GLS2: variants seen among roughly 807,000 people sequenced by gnomAD.
GLS2 encodes glutaminase 2, also known as glutaminase liver isoform, mitochondrial.
Under a neutral mutation model 79.0 loss-of-function variants are expected in GLS2, and 52 were observed. The observed-to-expected ratio is 0.66, with a 90% CI of 0.53 to 0.83. The LOEUF (loss-of-function observed/expected upper bound fraction) is 0.83, where lower values mean the gene tolerates loss of function less well. Ranked by LOEUF, GLS2 falls within the 40% of genes least tolerant of loss-of-function variation. The pLI is 0.00. For missense variants in GLS2, 561 were observed against 764.8 expected (o/e 0.73, Z 3.14); for synonymous variants, 238 against 280.8 (o/e 0.85, Z 1.52).
chr12:56,482,429 A>G (rs1261601700), intron 1 of GLS2, among the ~76,000 whole-genome samples: 2 of 152,036 alleles, frequency 1.3e-5, no homozygotes, highest in Non-Finnish European at 2.9e-5. Flanking sequence ...TCATTCTTCA[A>G]AGTCCAGATC....
At chr12:56,480,057 C>T (rs1400806595) in intron 2 of GLS2, among the ~76,000 whole-genome samples, 156 bp from the exon 3 acceptor site, 1 of 152,164 alleles carries the variant, frequency 6.6e-6, no homozygotes, top group South Asian at 2.1e-4. Context: ...GATGGAGTAG[C>T]TCTGAAGGCT....
chr12:56,474,867 A>G lies in GLS2; in HGVS notation c.1026T>C (p.Ala342=), dbSNP rs779853749. ...TTACCTGGAAGTAGAGATCAAGGGCAGCCATCATGTCCACCCCCTTAGGAA... is the reference window on the plus strand; with the variant it reads ...TTACCTGGAAGTAGAGATCAAGGGCGGCCATCATGTCCACCCCCTTAGGAA... ...KCFPKGVDMM[A]ALDLYFQLCS... The change falls in exon 11 of 18, where the codon GCT becomes GCC. Residue 342 remains alanine, a synonymous_variant. Coordinates refer to ENST00000311966, the MANE Select transcript of GLS2 (RefSeq NM_013267.4). 2.5e-6 allele frequency: 4 copies of G among 1,614,218 alleles called. No homozygotes were observed. The East Asian group carries it at 8.9e-5, about 36-fold the overall frequency.
rs753517065 is a variant in GLS2, at chr12:56,474,868, GCC to G, written c.1023_1024del (p.Met341IlefsTer4). 6.2e-7 allele frequency: 1 copy of G among 1,614,180 alleles called. No homozygotes were observed. The highest frequency in any genetic ancestry group is 8.5e-7 in the Non-Finnish European group (1 of 1,180,032). On this transcript the variant is annotated frameshift_variant, in exon 11 of 18. Coordinates refer to ENST00000311966, the MANE Select transcript of GLS2 (RefSeq NM_013267.4). LOFTEE classifies it high-confidence loss of function. ...TACCTGGAAGTAGAGATCAAGGGCA[GCC>G]ATCATGTCCACCCCCTTAGGAAAGC... is the stretch of plus-strand genomic sequence containing the variant.
chr12:56,472,246 C>G, intron 15 of GLS2, 51 bp from the exon 16 acceptor site: 1 of 1,545,024 alleles, frequency 6.5e-7, no homozygotes, highest in South Asian at 1.1e-5. Flanking sequence ...ACTGGAATCA[C>G]AGGTGTTCTT....
intron 1 of GLS2, among the ~76,000 whole-genome samples, chr12:56,483,912 G>A (rs1375701303): frequency 6.6e-6 from 1 of 151,832 alleles, no homozygotes; most frequent in Non-Finnish European, 1.5e-5. Context: ...AGGTTTAAAA[G>A]GGAAAAATAT....
At chr12:56,477,534 C>T in intron 7 of GLS2, 126 bp downstream of exon 7, 1 of 955,382 alleles carries the variant, frequency 1.0e-6, no homozygotes, top group East Asian at 2.4e-5. Flanking sequence ...CCTCATGTGC[C>T]TTCTGGGGAC....
At chr12:56,472,098 C>G (rs775925385) in intron 16 of GLS2, 21 bp downstream of exon 16, 1 of 1,611,650 alleles carries the variant, frequency 6.2e-7, no homozygotes, top group South Asian at 1.1e-5. Flanking sequence ...CCTCCTCCTC[C>G]CCTCCTTAAC....
intron 1 of GLS2, among the ~76,000 whole-genome samples, chr12:56,486,511 C>G (rs895486692): frequency 6.6e-6 from 1 of 152,096 alleles, no homozygotes; most frequent in Non-Finnish European, 1.5e-5. Flanking sequence ...TGGGAAAGTA[C>G]TGTGTAATAT....
In GLS2 at chr12:56,471,439, T is replaced by C. The variant is rs779027196; in HGVS notation, c.*48A>G. On this transcript the variant is annotated 3_prime_UTR_variant, in exon 18 of 18. Transcript: ENST00000311966. ...TTTTGGTGGTTATGGATTACATGTG[T>C]GGCCAGCTCATGCTTTTTCTTGAGC... 3.8e-6 allele frequency: 6 copies of C among 1,563,286 alleles called. No individual in the cohort carries two copies. In the Middle Eastern group the frequency reaches 9.4e-4, roughly 245 times the overall value.
intron 14 of GLS2, 186 bp from the exon 15 acceptor site, chr12:56,472,937 A>G (rs922823432): frequency 1.2e-5 from 7 of 580,848 alleles, no homozygotes; most frequent in African/African-American, 6.1e-5. Flanking sequence ...GTTCAGGCTG[A>G]AGTGTAGTGG....
chr12:56,485,098 A>AAGC (rs1334794683), intron 1 of GLS2, among the ~76,000 whole-genome samples: 1 of 152,200 alleles, frequency 6.6e-6, no homozygotes, highest in Non-Finnish European at 1.5e-5. Flanking sequence ...ATGATATTAA[A>AAGC]AGCTGTTCAT....
chr12:56,483,855 T>C (rs183224403), intron 1 of GLS2, among the ~76,000 whole-genome samples: 1 of 152,312 alleles, frequency 6.6e-6, no homozygotes, highest in African/African-American at 2.4e-5. Context: ...ATTTTTTCAT[T>C]TGTTTTTTCT....
Position 56,480,187 on chromosome 12 carries a change from G to A in GLS2, c.282+101C>T, listed in dbSNP as rs529244313. 5 of 1,016,152 alleles carry A rather than the reference G, an allele frequency of 4.9e-6. No homozygotes were observed. The Admixed American group carries it at 1.0e-4, about 21-fold the overall frequency. 62.9% of individuals were successfully genotyped at this position (1,016,152 alleles called of 1,614,324 possible). A position where few individuals can be genotyped will look rare whatever the true frequency, so the allele number is the denominator to read the frequency against. On this transcript the variant is annotated intron_variant, in intron 2 of 17. Coordinates refer to ENST00000311966, the MANE Select transcript of GLS2 (RefSeq NM_013267.4). ...ATCCATCTGTATGCTTCACCCTCATGTAGCAACCCATTAGCTGCCCTGCAC... is the reference window on the plus strand; with the variant it reads ...ATCCATCTGTATGCTTCACCCTCATATAGCAACCCATTAGCTGCCCTGCAC...
rs890367756 is a variant in GLS2, at chr12:56,474,524, T to A, written c.1224+20A>T. The A allele has an allele frequency of 3.1e-6, 5 of 1,613,062 alleles. No homozygotes were observed. Among genetic ancestry groups the A allele is most frequent in the Non-Finnish European group, 4.2e-6 (5 of 1,179,932 alleles). On this transcript the variant is annotated intron_variant, in intron 12 of 17. Coordinates refer to ENST00000311966, the MANE Select transcript of GLS2 (RefSeq NM_013267.4). ...TAGCACTGGGCTCATGACAGATGGA[T>A]AGCAGAGCCAGAAACTCACGTGGAA...
chr12:56,479,760 C>G lies in GLS2; in HGVS notation c.404+20G>C, dbSNP rs1301161284. On this transcript the variant is annotated intron_variant, in intron 3 of 17. Transcript: ENST00000311966. ...AGGACAGTTTTCAGAGAGCAGTGCC[C>G]TTGTTTCTGGGGCCCTCACTTTCGG... 3 of 1,586,972 alleles carry G rather than the reference C, an allele frequency of 1.9e-6. No individual in the cohort carries two copies. The highest frequency in any genetic ancestry group is 2.2e-5 in the South Asian group (2 of 89,318).
At chr12:56,487,748 G>T in intron 1 of GLS2, 189 bp downstream of exon 1, 2 of 704,942 alleles carry the variant, frequency 2.8e-6, no homozygotes, top group Non-Finnish European at 4.5e-6. Flanking sequence ...GCACTCCTAG[G>T]CAGACGGCAG....
chr12:56,474,659 C>T lies in GLS2; in HGVS notation c.1109G>A (p.Gly370Asp). The stretch of plus-strand genomic sequence containing the variant: ...CTCGCCTGTGATGGGGCAGATCCCA[C>T]CGTTGGCGAGGGTGGCTGCCATGAC... ...GSVMAATLAN[G>D]GICPITGESV... Residue 370 changes from glycine (G) to aspartate (D), a missense_variant, in exon 12 of 18, where the codon GGT (glycine) becomes GAT (aspartate). Gly to Asp is a moderately conservative substitution (Grantham distance 94). This residue lies in a region of GLS2 where 221 missense variants were observed against 275.6 expected (regional missense o/e 0.80). Coordinates refer to ENST00000311966, the MANE Select transcript of GLS2 (RefSeq NM_013267.4). 6.2e-7 allele frequency: 1 copy of T among 1,613,798 alleles called. No individual in the cohort carries two copies. The highest frequency in any genetic ancestry group is 1.1e-5 in the South Asian group (1 of 91,062).
chr12:56,480,390 G>A lies in GLS2; in HGVS notation c.183-3C>T. ...GCATGCCACTTTCTGATGAATCACT[G>A]TTTGGGGGCAGAGAATGGGGAGGAA... On this transcript the variant is annotated splice_polypyrimidine_tract_variant and splice_region_variant and intron_variant, in intron 1 of 17. Coordinates refer to ENST00000311966, the MANE Select transcript of GLS2 (RefSeq NM_013267.4). 6.2e-7 allele frequency: 1 copy of A among 1,613,046 alleles called. No homozygotes were observed. Among genetic ancestry groups the A allele is most frequent in the Non-Finnish European group, 8.5e-7 (1 of 1,179,038 alleles).
chr12:56,478,526 T>G, intron 4 of GLS2: 1 of 465,106 alleles, frequency 2.2e-6, no homozygotes, highest in Non-Finnish European at 3.9e-6. Flanking sequence ...CCTTCCCCTT[T>G]TGGTTCTTAG....
Sources: gnomAD v4.1 joint callset for allele counts (sites outside exome capture counted in the v4.1 genomes callset) on GRCh38, gnomAD v4.1.1 for gene constraint, gnomAD v4.1.1 regional missense constraint, MANE v1.5 for transcripts, NCBI Gene and HGNC (gene_info 2026-07-23, HGNC 2026-07-21) for gene names.